The following MARK4 variants were observed in gnomAD, a reference collection of about 807,000 sequenced individuals.
MARK4 encodes the protein microtubule affinity regulating kinase 4.
A neutral mutation model predicts 81.5 loss-of-function variants in MARK4; 19 were observed. The ratio of observed to expected loss-of-function variants is 0.23; its 90% CI spans 0.16 to 0.34. MARK4 has a LOEUF of 0.34. Ranked by LOEUF, MARK4 falls within the 10% of genes least tolerant of loss-of-function variation. The pLI is 1.00. For synonymous variants in MARK4, 436 were observed against 439.0 expected, an observed-to-expected ratio of 0.99 and a Z score of 0.08; for missense variants, 772 against 1,058.8, an observed-to-expected ratio of 0.73 and a Z score of 3.76.
intron 7 of MARK4, among the ~76,000 whole-genome samples, chr19:45,270,859 C>T (rs1407275343): frequency 6.6e-6 from 1 of 152,228 alleles, no homozygotes; most frequent in Admixed American, 6.5e-5. Context: ...CAACCTCCAC[C>T]TCCTGGGTTC....
chr19:45,264,819 C>T (rs369064539), intron 5 of MARK4, 21 bp from the exon 6 acceptor site: 186 of 1,613,974 alleles, frequency 1.2e-4, no homozygotes, highest in African/African-American at 1.6e-4. Flanking sequence ...ACCCTGACCC[C>T]GCTCGGCCTC....
intron 7 of MARK4, 66 bp downstream of exon 7, chr19:45,266,347 A>AC: frequency 6.6e-7 from 1 of 1,503,920 alleles, no homozygotes; most frequent in South Asian, 1.1e-5. Context: ...CCCTGCCCCC[A>AC]CCCCTCCATG....
At position 45,299,942 on chromosome 19, in the gene MARK4, C is replaced by A. The variant is rs531569245; in HGVS notation, c.1922+87C>A. The A allele has an allele frequency of 7.0e-4, 928 of 1,323,240 alleles. 1 individual carries two copies. The highest frequency in any genetic ancestry group is 7.9e-4 in the Non-Finnish European group (767 of 971,452). 82.0% of individuals were successfully genotyped at this position (1,323,240 alleles called of 1,614,324 possible). ...ACTTACCCCAGGGCATTAGATGGGG[C>A]CCCAGTCTCATCCTGCAAGGCCAAC... On this transcript the variant is annotated intron_variant, in intron 16 of 16. Transcript: ENST00000262891.
At chr19:45,262,825 C>T (rs1445133134) in intron 2 of MARK4, among the ~76,000 whole-genome samples, 3 of 152,190 alleles carry the variant, frequency 2.0e-5, no homozygotes, top group East Asian at 1.9e-4. Flanking sequence ...AGTGCAGTGA[C>T]GTCATCTTGG....
rs1970906202 is a variant in MARK4, at chr19:45,297,748, C to T, written c.1671C>T (p.Ser557=). The T allele has an allele frequency of 2.5e-6, 4 of 1,577,058 alleles. No homozygotes were observed. Among genetic ancestry groups the T allele is most frequent in the South Asian group, 1.2e-5 (1 of 85,464 alleles). ...HSLAPPSGER[S]RLARGSTIRS... ...TGGCACCCCCATCAGGGGAGCGGAG[C>T]CGCCTGGCACGTGGTTCCACCATCC... Residue 557 remains serine, a synonymous_variant, in exon 15 of 17, where the codon AGC becomes AGT. Coordinates refer to ENST00000262891, the MANE Select transcript of MARK4 (RefSeq NM_001199867.2).
At chr19:45,254,554 C>T (rs1218758498) in intron 1 of MARK4, among the ~76,000 whole-genome samples, 1 of 152,248 alleles carries the variant, frequency 6.6e-6, no homozygotes, top group Non-Finnish European at 1.5e-5. Flanking sequence ...CACTCTGCTC[C>T]ATCTGCCCTG....
chr19:45,263,263 A>T (rs1970403860), intron 3 of MARK4, 56 bp from the exon 4 acceptor site: 1 of 1,613,432 alleles, frequency 6.2e-7, no homozygotes, highest in Non-Finnish European at 8.5e-7. Flanking sequence ...TGGGGAAAGG[A>T]TCCCCCAAGC....
At chr19:45,289,223 C>A (rs1415863965) in intron 13 of MARK4, among the ~76,000 whole-genome samples, 1 of 151,682 alleles carries the variant, frequency 6.6e-6, no homozygotes, top group Non-Finnish European at 1.5e-5. Flanking sequence ...CCCATCTATA[C>A]TAAAAATACA....
chr19:45,266,218 C>T lies in MARK4; in HGVS notation c.493-7C>T. The T allele has an allele frequency of 6.2e-7, 1 of 1,613,764 alleles. No individual in the cohort carries two copies. Among genetic ancestry groups the T allele is most frequent in the Non-Finnish European group, 8.5e-7 (1 of 1,179,754 alleles). On this transcript the variant is annotated splice_region_variant and splice_polypyrimidine_tract_variant and intron_variant, in intron 6 of 16. Transcript: ENST00000262891. ...CACAAATAACCAACCTTCCCCTTCC[C>T]TCCCAGATTGTTTCGGCTGTGCACT...
chr19:45,272,304 C>A (rs1280810671), intron 8 of MARK4, among the ~76,000 whole-genome samples: 1 of 152,198 alleles, frequency 6.6e-6, no homozygotes, highest in African/African-American at 2.4e-5. Context: ...TGCACTCCAA[C>A]CTGGGTGACA....
chr19:45,262,985 G>A (rs535528745), intron 2 of MARK4, 128 bp from the exon 3 acceptor site: 11 of 1,090,368 alleles, frequency 1.0e-5, no homozygotes, highest in African/African-American at 4.7e-5. Flanking sequence ...GGCTGGTCTC[G>A]AACTCCTGGC....
chr19:45,271,795 CAGT>C lies in MARK4; in HGVS notation c.786+88_786+90del, dbSNP rs1293452803. ...CCCACACCTCCCCTGCAGAGGGCCT[CAGT>C]GGTGGGACTGGCCTGAGTTCTCATG... is the stretch of plus-strand genomic sequence containing the variant. On this transcript the variant is annotated intron_variant, in intron 8 of 16. Coordinates refer to ENST00000262891, the MANE Select transcript of MARK4 (RefSeq NM_001199867.2). This position sits in a 1 kb window ranked among gnomAD's most constrained non-coding sequence, Gnocchi z 4.1. 1.2e-5 allele frequency: 16 copies of C among 1,282,766 alleles called. No homozygotes were observed. The highest frequency in any genetic ancestry group is 1.7e-5 in the Non-Finnish European group (16 of 917,102). 79.5% of individuals were successfully genotyped at this position (1,282,766 alleles called of 1,614,324 possible). A position where few individuals can be genotyped will look rare whatever the true frequency, so the allele number is the denominator to read the frequency against.
At chr19:45,278,668 A>G (rs1252956804) in intron 10 of MARK4, 53 bp downstream of exon 10, 10 of 1,366,904 alleles carry the variant, frequency 7.3e-6, no homozygotes, top group South Asian at 3.5e-5. Context: ...CAGTGGTGCA[A>G]TCTCGGCTCA....
intron 8 of MARK4, among the ~76,000 whole-genome samples, chr19:45,272,324 CCT>C (rs1388110239): frequency 6.6e-6 from 1 of 151,602 alleles, no homozygotes; most frequent in Non-Finnish European, 1.5e-5. Context: ...AGAGGGAGAC[CCT>C]GTCTCCAAAA....
intron 7 of MARK4, among the ~76,000 whole-genome samples, chr19:45,267,797 A>G (rs1375914631): frequency 1.3e-5 from 2 of 152,052 alleles, no homozygotes. Context: ...GGTAGCTGGA[A>G]CCACAGGTGT....
intron 13 of MARK4, among the ~76,000 whole-genome samples, chr19:45,291,781 C>G (rs1599800742): frequency 1.3e-5 from 2 of 151,964 alleles, no homozygotes; most frequent in South Asian, 4.2e-4. Flanking sequence ...GACTCTGTCT[C>G]AAAACAAAAC....
In MARK4 at chr19:45,303,253, T is replaced by C. The variant is rs1304536314; in HGVS notation, c.*543T>C. 6.4e-6 allele frequency: 1 copy of C among 156,466 alleles called. No individual in the cohort carries two copies. Among genetic ancestry groups the C allele is most frequent in the African/African-American group, 2.4e-5 (1 of 41,412 alleles). 9.7% of individuals were successfully genotyped at this position (156,466 alleles called of 1,614,324 possible). ...CACCCTCCCCTCTGCAAAGGTCTCT[T>C]GAGGAGCTGCCGCTGTCACCTACGG... On this transcript the variant is annotated 3_prime_UTR_variant, in exon 17 of 17. Coordinates refer to ENST00000262891, the MANE Select transcript of MARK4 (RefSeq NM_001199867.2).
rs1025879436 is a variant in MARK4, at chr19:45,302,871, C to T, written c.*161C>T. Reference sequence around the variant, plus strand: ...TGTCCCCTCTGCTGTTCTCTGGGGCCGCTCAGCACAGAAGAAGGATGAGGG... The same window carrying T: ...TGTCCCCTCTGCTGTTCTCTGGGGCTGCTCAGCACAGAAGAAGGATGAGGG... On this transcript the variant is annotated 3_prime_UTR_variant, in exon 17 of 17. Transcript: ENST00000262891. This position sits in a 1 kb window ranked among gnomAD's most constrained non-coding sequence, Gnocchi z 4.9. 4 of 1,180,798 alleles carry T rather than the reference C, an allele frequency of 3.4e-6. No individual in the cohort carries two copies. Among genetic ancestry groups the T allele is most frequent in the African/African-American group, 1.6e-5 (1 of 64,256 alleles). The allele number at this position is 1,180,798 out of a possible 1,614,324, so 73.1% of individuals were successfully genotyped here.
intron 16 of MARK4, among the ~76,000 whole-genome samples, chr19:45,300,205 C>T (rs562520837): frequency 2.8e-4 from 42 of 152,080 alleles, no homozygotes; most frequent in African/African-American, 9.9e-4. Flanking sequence ...ATTAGCCGGG[C>T]GTAGTGGCGC....
Sources: gnomAD v4.1 joint callset for allele counts (sites outside exome capture counted in the v4.1 genomes callset) on GRCh38, gnomAD v4.1.1 for gene constraint, Gnocchi (gnomAD v3.1) non-coding constraint, MANE v1.5 for transcripts, NCBI Gene and HGNC (gene_info 2026-07-23, HGNC 2026-07-21) for gene names.